Variants in SOX5 observed in about 807,000 individuals in gnomAD.
SOX5 encodes transcription factor SOX-5.
Under a neutral mutation model 92.0 loss-of-function variants are expected in SOX5, and 9 were observed. The ratio of observed to expected loss-of-function variants is 0.10; its 90% CI spans 0.06 to 0.17. The LOEUF (loss-of-function observed/expected upper bound fraction) is 0.17. SOX5 is among the 10% of genes least tolerant of loss of function. The pLI is 1.00. For missense variants in SOX5, 642 were observed against 944.5 expected (o/e 0.68, Z 4.20); for synonymous variants, 344 against 336.3 (o/e 1.02, Z -0.25).
At chr12:24,037,772 C>A (rs1436848584) in intron 4 of SOX5, among the ~76,000 whole-genome samples, 1 of 152,102 alleles carries the variant, frequency 6.6e-6, no homozygotes, top group African/African-American at 2.4e-5. Flanking sequence ...TTCATTTTTA[C>A]TAAAATATTT....
At chr12:24,078,279 G>A (rs1942897879) in intron 4 of SOX5, among the ~76,000 whole-genome samples, 1 of 152,012 alleles carries the variant, frequency 6.6e-6, no homozygotes, top group South Asian at 2.1e-4. Flanking sequence ...AGAACTTTGT[G>A]AAGTGGGCGT....
At chr12:24,203,021 T>C (rs1044160747) in intron 4 of SOX5, among the ~76,000 whole-genome samples, 4 of 152,208 alleles carry the variant, frequency 2.6e-5, no homozygotes, top group Non-Finnish European at 5.9e-5. Context: ...CCTGAAACTA[T>C]TATGACTGTG....
At chr12:23,953,461 G>C (rs145544549), upstream of SOX5, among the ~76,000 whole-genome samples, 1,293 of 152,060 alleles carry the variant, frequency 8.5e-3, 12 homozygotes, top group African/African-American at 0.029. Flanking sequence ...TGTGATGTTT[G>C]TTAAGGTTTC....
At chr12:24,262,009 T>A (rs1213978823) in intron 3 of SOX5, among the ~76,000 whole-genome samples, 1 of 152,190 alleles carries the variant, frequency 6.6e-6, no homozygotes, top group African/African-American at 2.4e-5. Context: ...TACGGAGACT[T>A]CAAATTTGGC....
At chr12:23,880,749 C>T (rs1360524337) in intron 2 of SOX5, among the ~76,000 whole-genome samples, 1 of 152,176 alleles carries the variant, frequency 6.6e-6, no homozygotes, top group Non-Finnish European at 1.5e-5. Context: ...AGTATGCCAT[C>T]TTGCTTTCCC....
intron 4 of SOX5, among the ~76,000 whole-genome samples, chr12:24,196,267 A>G (rs1277059775): frequency 6.6e-6 from 1 of 152,242 alleles, no homozygotes; most frequent in Non-Finnish European, 1.5e-5. Flanking sequence ...GAAATAAAGT[A>G]GTTGAAGATC....
chr12:24,473,387 AC>A, intron 1 of SOX5, among the ~76,000 whole-genome samples: 1 of 152,328 alleles, frequency 6.6e-6, no homozygotes, highest in Admixed American at 6.5e-5. Context: ...CAAGTGGCTC[AC>A]GGGAGCGGGT....
At chr12:23,675,112 T>C (rs2085453739) in intron 6 of SOX5, among the ~76,000 whole-genome samples, 1 of 152,212 alleles carries the variant, frequency 6.6e-6, no homozygotes, top group Non-Finnish European at 1.5e-5. Context: ...GTATGTGATA[T>C]TCACATTTAC....
At chr12:23,535,755 ATATT>A (rs1352264685) in intron 14 of SOX5, among the ~76,000 whole-genome samples, 2 of 152,196 alleles carry the variant, frequency 1.3e-5, no homozygotes, top group African/African-American at 2.4e-5. Context: ...ATTTAGAACA[ATATT>A]TATTATTCTA....
intron 3 of SOX5, among the ~76,000 whole-genome samples, chr12:23,757,427 G>T (rs1054933696): frequency 6.6e-6 from 1 of 151,888 alleles, no homozygotes; most frequent in African/African-American, 2.4e-5. Context: ...ATTATAACCA[G>T]CATTTCTCTT....
At chr12:23,537,690 A>C (rs1940866201) in intron 13 of SOX5, among the ~76,000 whole-genome samples, 1 of 152,154 alleles carries the variant, frequency 6.6e-6, no homozygotes. Flanking sequence ...TTTGAAGCTT[A>C]AATAAAAATA....
At chr12:24,220,233 A>G (rs1322633122) in intron 3 of SOX5, among the ~76,000 whole-genome samples, 2 of 152,122 alleles carry the variant, frequency 1.3e-5, no homozygotes, top group East Asian at 3.9e-4. Context: ...ATCATCAAGT[A>G]GATATAGCAT....
intron 1 of SOX5, among the ~76,000 whole-genome samples, chr12:24,484,815 C>A (rs1184848058): frequency 6.6e-6 from 1 of 152,112 alleles, no homozygotes; most frequent in East Asian, 1.9e-4. Flanking sequence ...TTCTCAACCC[C>A]TGTTTTGCAT....
At chr12:24,007,160 T>TAC (rs1325411790) in intron 4 of SOX5, among the ~76,000 whole-genome samples, 1 of 16,962 alleles carries the variant, frequency 5.9e-5, no homozygotes, top group Admixed American at 6.2e-4. Context: ...TATATATATA[T>TAC]ACATTTATAT....
intron 1 of SOX5, among the ~76,000 whole-genome samples, chr12:24,529,730 C>T (rs1555337635): frequency 6.6e-6 from 1 of 152,114 alleles, no homozygotes; most frequent in Non-Finnish European, 1.5e-5. Context: ...AGTTAAAAAG[C>T]CATACAAGGC....
intron 4 of SOX5, among the ~76,000 whole-genome samples, chr12:23,999,140 C>CTGTGTGTGTGTGTGTG (rs1384723605): frequency 5.2e-4 from 73 of 141,390 alleles, no homozygotes; most frequent in East Asian, 4.1e-3. Context: ...AAAAAAGACT[C>CTGTGTGTGTGTGTGTG]TGTGTGTGTG....
intron 1 of SOX5, among the ~76,000 whole-genome samples, chr12:24,512,236 A>G (rs552306181): frequency 7.2e-5 from 11 of 152,324 alleles, no homozygotes; most frequent in African/African-American, 2.2e-4. Flanking sequence ...GATGTCTTAC[A>G]TTTGCCCAAT....
At chr12:24,317,792 C>T (rs1477269009) in intron 2 of SOX5, among the ~76,000 whole-genome samples, 1 of 152,204 alleles carries the variant, frequency 6.6e-6, no homozygotes, top group African/African-American at 2.4e-5. Context: ...CATCACTTAA[C>T]CTACACTCTT....
intron 4 of SOX5, among the ~76,000 whole-genome samples, chr12:24,058,862 G>T (rs1022135612): frequency 6.6e-6 from 1 of 152,044 alleles, no homozygotes; most frequent in Non-Finnish European, 1.5e-5. Context: ...TACATACAAG[G>T]TTCCATTCCA....
Sources: gnomAD v4.1 joint callset for allele counts (sites outside exome capture counted in the v4.1 genomes callset) on GRCh38, gnomAD v4.1.1 for gene constraint, MANE v1.5 for transcripts, NCBI Gene and HGNC (gene_info 2026-07-23, HGNC 2026-07-21) for gene names.